The following TSNARE1 variants were observed in gnomAD, a reference collection of about 807,000 sequenced individuals.
TSNARE1 encodes t-SNARE domain containing 1, also known as t-SNARE domain-containing protein 1.
Under a neutral mutation model 62.0 loss-of-function variants are expected in TSNARE1, and 49 were observed. The ratio of observed to expected loss-of-function variants is 0.79; its 90% CI spans 0.63 to 1.00. The LOEUF is 1.00. TSNARE1 is among the 50% of genes least tolerant of loss of function. TSNARE1 has a pLI of 0.00. For synonymous variants in TSNARE1, 328 were observed against 294.4 expected (o/e 1.11, Z -1.17); for missense variants, 755 against 700.1 (o/e 1.08, Z -0.88).
At chr8:142,392,210 C>T (rs1261452535) in intron 1 of TSNARE1, among the ~76,000 whole-genome samples, 5 of 152,036 alleles carry the variant, frequency 3.3e-5, no homozygotes, top group African/African-American at 1.2e-4. Flanking sequence ...TTGTAGTACA[C>T]AGGGTTTCAC....
intron 10 of TSNARE1, among the ~76,000 whole-genome samples, chr8:142,287,847 G>A (rs1488512313): frequency 6.8e-6 from 1 of 147,574 alleles, no homozygotes; most frequent in Non-Finnish European, 1.5e-5. Context: ...GGGACAGTGG[G>A]CCGCCCTCCA....
chr8:142,288,138 TGA>T (rs1373821578), intron 10 of TSNARE1, among the ~76,000 whole-genome samples: 1 of 152,062 alleles, frequency 6.6e-6, no homozygotes, highest in Non-Finnish European at 1.5e-5. Flanking sequence ...GCAGCTTTGG[TGA>T]GAGATGCCAG....
At position 142,274,801 on chromosome 8, in the gene TSNARE1, C is replaced by A. The variant is rs894060405; in HGVS notation, c.1426G>T (p.Ala476Ser). 1 of 1,578,338 alleles carries A rather than the reference C, an allele frequency of 6.3e-7. No homozygotes were observed. Among genetic ancestry groups the A allele is most frequent in the Non-Finnish European group, 8.6e-7 (1 of 1,162,882 alleles). Reference sequence around the variant, plus strand: ...CTTACTTGGTGCCGGCTGGCTCCAGCCAGGAGCTGGCGGGCTGCCTCCGCA... The same window carrying A: ...CTTACTTGGTGCCGGCTGGCTCCAGACAGGAGCTGGCGGGCTGCCTCCGCA... The part of the protein sequence containing the change: ...SHAEAARQLL[A>S]GASRHQLQRH... Residue 476 changes from alanine to serine, a missense_variant, in exon 12 of 14, where the codon GCT becomes TCT. Coordinates refer to ENST00000524325, the MANE Select transcript of TSNARE1 (RefSeq NM_145003.5).
rs149938585 is a variant in TSNARE1 at position 142,330,865 on chromosome 8, G to A, written c.893+36C>T. ...GCCCCTGCCCCCCAATGTGCACCAC[G>A]CCCAGGCAAAGAGATACCATGGCCC... On this transcript the variant is annotated intron_variant, in intron 6 of 13. Transcript: ENST00000524325. 62 of 1,609,400 alleles carry A rather than the reference G, an allele frequency of 3.9e-5. 1 individual carries two copies. The Middle Eastern group carries it at 4.9e-4, about 13-fold the overall frequency.
At chr8:142,237,219 G>A (rs976024990) in intron 12 of TSNARE1, among the ~76,000 whole-genome samples, 26 of 152,072 alleles carry the variant, frequency 1.7e-4, no homozygotes, top group South Asian at 6.2e-4. Context: ...TTCTCCCTGC[G>A]TGGACCACTC....
chr8:142,375,581 G>A lies in TSNARE1; in HGVS notation c.-39-20818C>T, dbSNP rs191170514. 3.6e-3 allele frequency among the ~76,000 whole-genome samples: 554 copies of A among 152,340 alleles called. 5 individuals carry two copies. The highest frequency in any genetic ancestry group is 0.031 in the Middle Eastern group (9 of 294). On this transcript the variant is annotated intron_variant, in intron 1 of 13. Transcript: ENST00000524325. ...ATGCTCAGCCCACTGGGCAGCCTTCGGTGCACCTCCCGGTGAAGTCCGCCA... is the reference window on the plus strand; with the variant it reads ...ATGCTCAGCCCACTGGGCAGCCTTCAGTGCACCTCCCGGTGAAGTCCGCCA...
Position 142,274,856 on chromosome 8 carries a change from A to C in TSNARE1, c.1371T>G (p.Ile457Met). ...AGGACGCAGCCTCAAGGCTGGCTTC[A>C]ATACTATCTGCAAATCAAGACAACA... ...VSEQGEAVDS[I>M]EASLEAASSH... The change falls in exon 12 of 14, where the codon ATT (isoleucine) becomes ATG (methionine). Residue 457 changes from isoleucine to methionine, a missense_variant. Transcript: ENST00000524325. 1.3e-6 allele frequency: 2 copies of C among 1,566,614 alleles called. No homozygotes were observed. The highest frequency in any genetic ancestry group is 1.2e-5 in the South Asian group (1 of 84,884).
At chr8:142,271,752 T>A (rs1819585331) in intron 12 of TSNARE1, 5 of 1,238,866 alleles carry the variant, frequency 4.0e-6, no homozygotes, top group Non-Finnish European at 5.2e-6. Flanking sequence ...ATCTGGAGGG[T>A]GAGCAGGGTG....
At chr8:142,297,744 C>T in intron 10 of TSNARE1, among the ~76,000 whole-genome samples, 1 of 152,228 alleles carries the variant, frequency 6.6e-6, no homozygotes, top group Non-Finnish European at 1.5e-5. Context: ...ATGCGTCACG[C>T]TGGAGTTACT....
intron 13 of TSNARE1, 37 bp downstream of exon 13, chr8:142,229,436 G>A: frequency 6.7e-7 from 1 of 1,497,436 alleles, no homozygotes; most frequent in Non-Finnish European, 9.3e-7. Context: ...TGGATGTGCA[G>A]ATGAATGGAT....
chr8:142,310,613 ATTAG>A (rs1260967435), intron 9 of TSNARE1, among the ~76,000 whole-genome samples: 3 of 151,570 alleles, frequency 2.0e-5, no homozygotes, highest in African/African-American at 4.9e-5. Flanking sequence ...GCAGCTGGAG[ATTAG>A]TTATTTTTCT....
chr8:142,331,586 A>C (rs929074777), intron 5 of TSNARE1, among the ~76,000 whole-genome samples, 168 bp downstream of exon 5: 15 of 152,138 alleles, frequency 9.9e-5, no homozygotes, highest in Non-Finnish European at 1.6e-4. Flanking sequence ...GGGGGAAGCC[A>C]TCCAGCACCC....
intron 12 of TSNARE1, among the ~76,000 whole-genome samples, chr8:142,247,263 G>C (rs921293742): frequency 4.6e-5 from 7 of 152,204 alleles, no homozygotes; most frequent in Admixed American, 6.5e-5. Flanking sequence ...GCAAAGCTCT[G>C]GGGGCGCTAC....
At chr8:142,297,812 G>A (rs1396058277) in intron 10 of TSNARE1, among the ~76,000 whole-genome samples, 1 of 152,230 alleles carries the variant, frequency 6.6e-6, no homozygotes, top group African/African-American at 2.4e-5. Context: ...ATGACAATTT[G>A]CGTTTTGTTT....
intron 10 of TSNARE1, among the ~76,000 whole-genome samples, chr8:142,288,802 A>T (rs975163031): frequency 2.0e-5 from 3 of 152,232 alleles, no homozygotes; most frequent in Admixed American, 2.0e-4. Context: ...AAGACACAAA[A>T]TGTTAATTTG....
chr8:142,352,600 G>A (rs142919688), intron 2 of TSNARE1, among the ~76,000 whole-genome samples: 6 of 152,396 alleles, frequency 3.9e-5, no homozygotes, highest in Admixed American at 6.5e-5. Context: ...GTGATGCAGC[G>A]CGGAATCGAA....
intron 12 of TSNARE1, among the ~76,000 whole-genome samples, chr8:142,242,947 CAAAAAAAAAA>C (rs35092120): frequency 1.6e-4 from 8 of 51,390 alleles, no homozygotes; most frequent in Admixed American, 1.0e-3. Flanking sequence ...AACTCTGTCT[CAAAAAAAAAA>C]AAAAAAAAAA....
rs1036558616 is a variant in TSNARE1, at chr8:142,319,609, C to T, written c.894-975G>A. On this transcript the variant is annotated intron_variant, in intron 6 of 13. Transcript: ENST00000524325. The surrounding 1 kb of genome is among the most constrained non-coding windows in gnomAD (Gnocchi z 4.9). ...GCCTCAGTGACCCTTTCAAGTACAG[C>T]CCAAAAGGCCCCTGCAGGCCCCTCA... Among the ~76,000 whole-genome samples, 1 of 152,130 alleles carries T rather than the reference C, an allele frequency of 6.6e-6. No individual in the cohort carries two copies. The highest frequency in any genetic ancestry group is 6.5e-5 in the Admixed American group (1 of 15,286).
intron 10 of TSNARE1, among the ~76,000 whole-genome samples, chr8:142,290,251 G>A (rs1420399232): frequency 6.6e-6 from 1 of 152,162 alleles, no homozygotes; most frequent in African/African-American, 2.4e-5. Flanking sequence ...TGCCCCGGAT[G>A]GAGCCCTCCA....
Sources: allele counts gnomAD v4.1 joint callset (sites outside exome capture counted in the v4.1 genomes callset), GRCh38; gene constraint gnomAD v4.1.1; non-coding constraint Gnocchi (gnomAD v3.1); transcripts MANE v1.5; gene names NCBI Gene and HGNC (gene_info 2026-07-23, HGNC 2026-07-21).